NGLY1: variants seen among roughly 807,000 people sequenced by gnomAD.
NGLY1 encodes the protein N-glycanase 1.
A neutral mutation model predicts 84.6 loss-of-function variants in NGLY1; 68 were observed. The ratio of observed to expected loss-of-function variants is 0.80; its 90% CI spans 0.66 to 0.98. The LOEUF (loss-of-function observed/expected upper bound fraction) is 0.98. NGLY1 is among the 50% of genes least tolerant of loss of function. The pLI, the probability that NGLY1 is intolerant of heterozygous loss-of-function variation, is 0.00. For missense variants in NGLY1, 779 were observed against 770.2 expected (o/e 1.01, Z -0.14); for synonymous variants, 280 against 275.2 (o/e 1.02, Z -0.17).
rs1575604175 is a variant in NGLY1, at chr3:25,720,170, C to T, written c.1633G>A (p.Gly545Arg). The change falls in exon 11 of 12, where the codon GGA (glycine) becomes AGA (arginine). Residue 545 changes from glycine (G) to arginine (R), a missense_variant. Gly to Arg is a moderately radical substitution (Grantham distance 125). Transcript: ENST00000280700. Reference sequence around the variant, plus strand: ...CAGGAAATATAAGCAAAAGATGATCCTTCCTTTCGGGCCAAATATACCTAT... The same window carrying T: ...CAGGAAATATAAGCAAAAGATGATCTTTCCTTTCGGGCCAAATATACCTAT... ...WHMVYLARKEGSSFAYISWKF... is the reference protein window; with the variant it reads ...WHMVYLARKERSSFAYISWKF... The T allele has an allele frequency of 1.9e-6, 3 of 1,613,686 alleles. No homozygotes were observed. Among genetic ancestry groups the T allele is most frequent in the Non-Finnish European group, 2.5e-6 (3 of 1,179,768 alleles).
chr3:25,759,449 G>A (rs188888499), intron 3 of NGLY1, among the ~76,000 whole-genome samples: 43 of 151,848 alleles, frequency 2.8e-4, no homozygotes, highest in Non-Finnish European at 5.1e-4. Flanking sequence ...GAATTCATCC[G>A]GAGTATTTTT....
chr3:25,785,675 A>AAAAAC (rs1296737224), upstream of NGLY1, among the ~76,000 whole-genome samples: 1 of 152,102 alleles, frequency 6.6e-6, no homozygotes, highest in Non-Finnish European at 1.5e-5. Context: ...CTCTACAAAA[A>AAAAAC]AAAAACAAAA....
intron 1 of NGLY1, chr3:25,782,931 A>C: frequency 3.8e-6 from 1 of 262,190 alleles, no homozygotes; most frequent in Non-Finnish European, 7.4e-6. Flanking sequence ...AACGACGAGA[A>C]GAGCGGCAGT....
At chr3:25,760,860 C>CAAAAAAAAA (rs760535260) in intron 3 of NGLY1, among the ~76,000 whole-genome samples, 1 of 71,676 alleles carries the variant, frequency 1.4e-5, no homozygotes, top group Non-Finnish European at 2.4e-5. Context: ...AACTCTGTCT[C>CAAAAAAAAA]AAAAAAAAAA....
chr3:25,743,882 T>C (rs946188761), intron 4 of NGLY1, among the ~76,000 whole-genome samples: 2 of 152,192 alleles, frequency 1.3e-5, no homozygotes, highest in African/African-American at 2.4e-5. Flanking sequence ...GTTCCTCATT[T>C]AAACAATATC....
At chr3:25,737,513 A>C in intron 5 of NGLY1, 58 bp from the exon 6 acceptor site, 1 of 1,421,122 alleles carries the variant, frequency 7.0e-7, no homozygotes, top group Non-Finnish European at 9.6e-7. Flanking sequence ...AAGAGAATTT[A>C]CATTACCTCT....
intron 3 of NGLY1, among the ~76,000 whole-genome samples, chr3:25,756,332 A>C (rs1329512239): frequency 6.6e-6 from 1 of 152,160 alleles, no homozygotes; most frequent in Non-Finnish European, 1.5e-5. Context: ...GCTCAGTGTC[A>C]TTTTCATATT....
chr3:25,755,744 C>A, intron 3 of NGLY1: 2 of 907,272 alleles, frequency 2.2e-6, no homozygotes, highest in Middle Eastern at 2.9e-4. Context: ...ATATACTGAA[C>A]TAGAATATTC....
upstream of NGLY1, among the ~76,000 whole-genome samples, chr3:25,788,032 T>C (rs1471547399): frequency 6.6e-6 from 1 of 152,242 alleles, no homozygotes; most frequent in Non-Finnish European, 1.5e-5. Flanking sequence ...TTTTGTGTTA[T>C]AATAATTCCA....
At chr3:25,755,482 T>C in intron 3 of NGLY1, 1 of 1,460,246 alleles carries the variant, frequency 6.8e-7, no homozygotes, top group Non-Finnish European at 9.6e-7. Context: ...ACAGTGCAGA[T>C]TCCACCTTCT....
chr3:25,766,959 A>C (rs1221702160), intron 2 of NGLY1, among the ~76,000 whole-genome samples: 1 of 152,210 alleles, frequency 6.6e-6, no homozygotes, highest in African/African-American at 2.4e-5. Context: ...TAAATGGACA[A>C]AATTATAAGC....
chr3:25,744,122 T>C (rs1706299057), intron 4 of NGLY1, among the ~76,000 whole-genome samples: 1 of 152,224 alleles, frequency 6.6e-6, no homozygotes, highest in Non-Finnish European at 1.5e-5. Flanking sequence ...AGTTTAGACC[T>C]AACTCCATTC....
rs1244313849 is a variant in NGLY1 at position 25,751,337 on chromosome 3, T to C, written c.493-74A>G. On this transcript the variant is annotated intron_variant, in intron 3 of 11. Coordinates refer to ENST00000280700, the MANE Select transcript of NGLY1 (RefSeq NM_018297.4). ...AAAATAATATATAATAAAAAAACTGTGGTTTTATGATTTTACAGATAGAAG... is the reference window on the plus strand; with the variant it reads ...AAAATAATATATAATAAAAAAACTGCGGTTTTATGATTTTACAGATAGAAG... 3 of 1,255,796 alleles carry C rather than the reference T, an allele frequency of 2.4e-6. No individual in the cohort carries two copies. In the East Asian group the frequency reaches 8.1e-5, roughly 34 times the overall value. 77.8% of individuals were successfully genotyped at this position (1,255,796 alleles called of 1,614,324 possible). A position where few individuals can be genotyped will look rare whatever the true frequency, so the allele number is the denominator to read the frequency against.
intron 4 of NGLY1, among the ~76,000 whole-genome samples, chr3:25,748,045 G>A (rs1472920779): frequency 1.3e-5 from 2 of 152,094 alleles, no homozygotes; most frequent in South Asian, 2.1e-4. Context: ...CACAATTAAG[G>A]CCTCTCCAGG....
At chr3:25,769,500 A>C (rs1454867382) in intron 2 of NGLY1, among the ~76,000 whole-genome samples, 1 of 152,230 alleles carries the variant, frequency 6.6e-6, no homozygotes, top group Non-Finnish European at 1.5e-5. Context: ...CAAAACCACA[A>C]TGAGATATTA....
At chr3:25,728,990 G>T (rs1705402240) in intron 10 of NGLY1, 143 bp downstream of exon 10, 2 of 464,870 alleles carry the variant, frequency 4.3e-6, no homozygotes, top group Non-Finnish European at 7.0e-6. Flanking sequence ...ATTGGGGACA[G>T]AATTTTCTTT....
At chr3:25,744,761 T>C (rs1029418393) in intron 4 of NGLY1, among the ~76,000 whole-genome samples, 6 of 152,220 alleles carry the variant, frequency 3.9e-5, no homozygotes, top group African/African-American at 1.4e-4. Context: ...AAATTAGAGA[T>C]AAAACCTTTA....
At chr3:25,761,986 C>T (rs929430389) in intron 3 of NGLY1, among the ~76,000 whole-genome samples, 14 of 151,992 alleles carry the variant, frequency 9.2e-5, no homozygotes, top group African/African-American at 3.4e-4. Flanking sequence ...ATAAAATGTC[C>T]AGAAAAAGTA....
At position 25,751,098 on chromosome 3, in the gene NGLY1, C is replaced by G; in HGVS notation, c.658G>C (p.Gly220Arg). 1 of 1,609,908 alleles carries G rather than the reference C, an allele frequency of 6.2e-7. No individual in the cohort carries two copies. The highest frequency in any genetic ancestry group is 8.5e-7 in the Non-Finnish European group (1 of 1,178,546). The change falls in exon 4 of 12, where the codon GGT (glycine) becomes CGT (arginine). Residue 220 changes from glycine (G) to arginine (R), a missense_variant and splice_region_variant. Physicochemically the swap from Gly to Arg is moderately radical, Grantham distance 125. Transcript: ENST00000280700. ...KLSRARKLDK[G>R]INISDEDFLL... ...ATAAATGATTATGTAAAGCTACTACCTTTATCCAATTTTCTAGCTCTCGAT... is the reference window on the plus strand; with the variant it reads ...ATAAATGATTATGTAAAGCTACTACGTTTATCCAATTTTCTAGCTCTCGAT...
Sources: gnomAD v4.1 joint callset for allele counts (sites outside exome capture counted in the v4.1 genomes callset) on GRCh38, gnomAD v4.1.1 for gene constraint, MANE v1.5 for transcripts, NCBI Gene and HGNC (gene_info 2026-07-23, HGNC 2026-07-21) for gene names.